Variants in HSD11B2 observed in about 807,000 individuals in gnomAD.
HSD11B2 encodes the protein 11-beta-hydroxysteroid dehydrogenase type 2.
HSD11B2 carries 17 observed loss-of-function variants against 20.9 expected under a neutral mutation model. That is an observed-to-expected ratio of 0.81 (90% CI 0.56 to 1.22). The LOEUF is 1.22. HSD11B2 is among the 50% of genes most tolerant of loss of function. HSD11B2 has a pLI of 0.00. For synonymous variants in HSD11B2, 253 were observed against 255.4 expected (o/e 0.99, Z 0.09); for missense variants, 480 against 563.6 (o/e 0.85, Z 1.50).
Position 67,437,293 on chromosome 16 carries a change from G to A in HSD11B2, c.*290G>A, listed in dbSNP as rs1404193508. 1.8e-6 allele frequency: 1 copy of A among 549,518 alleles called. No homozygotes were observed. The allele number at this position is 549,518 out of a possible 1,614,324, so 34.0% of individuals were successfully genotyped here. A position where few individuals can be genotyped will look rare whatever the true frequency, so the allele number is the denominator to read the frequency against. ...CCGCTGGATGGGGAGTCTCATGCAA[G>A]ACTTCACTGCAGCCTTTCACAGGAC... On this transcript the variant is annotated 3_prime_UTR_variant, in exon 5 of 5. Coordinates refer to ENST00000326152, the MANE Select transcript of HSD11B2 (RefSeq NM_000196.4).
At chr16:67,432,283 C>G in intron 1 of HSD11B2, among the ~76,000 whole-genome samples, 1 of 151,246 alleles carries the variant, frequency 6.6e-6, no homozygotes, top group African/African-American at 2.4e-5. Context: ...TGGAGGCCCG[C>G]CGGAAGTGGG....
At chr16:67,431,663 C>A in intron 1 of HSD11B2, 150 bp downstream of exon 1, 2 of 868,548 alleles carry the variant, frequency 2.3e-6, no homozygotes, top group Non-Finnish European at 3.0e-6. Flanking sequence ...GGGAGCGAGC[C>A]AAATAGGGAG....
chr16:67,431,646 G>C, intron 1 of HSD11B2, 133 bp downstream of exon 1: 1 of 1,010,710 alleles, frequency 9.9e-7, no homozygotes, highest in Non-Finnish European at 1.3e-6. Context: ...CTCCACCCCT[G>C]GGTGCAGGGA....
At chr16:67,434,573 G>A (rs2040955697) in intron 1 of HSD11B2, among the ~76,000 whole-genome samples, 1 of 152,210 alleles carries the variant, frequency 6.6e-6, no homozygotes, top group Admixed American at 6.5e-5. Flanking sequence ...TAAGGAAGGA[G>A]AGGCCTGGGC....
rs2040965869 is a variant in HSD11B2 at position 67,435,827 on chromosome 16, C to T, written c.465C>T (p.His155=). The T allele has an allele frequency of 6.2e-7, 1 of 1,613,942 alleles. No individual in the cohort carries two copies. The highest frequency in any genetic ancestry group is 1.7e-5 in the Admixed American group (1 of 60,006). The part of the protein sequence containing the change: ...ISRVLEFTKA[H]TTSTGLWGLV... Reference sequence around the variant, plus strand: ...GCGTGCTAGAGTTCACCAAGGCCCACACCACCAGCACCGGTCAGTGGCAAG... The same window carrying T: ...GCGTGCTAGAGTTCACCAAGGCCCATACCACCAGCACCGGTCAGTGGCAAG... Residue 155 remains histidine (H), a synonymous_variant, in exon 2 of 5, where the codon CAC becomes CAT. Coordinates refer to ENST00000326152, the MANE Select transcript of HSD11B2 (RefSeq NM_000196.4).
In HSD11B2 at chr16:67,436,168, A is replaced by G. The variant is rs746525791; in HGVS notation, c.664+26A>G. On this transcript the variant is annotated intron_variant, in intron 3 of 4. Coordinates refer to ENST00000326152, the MANE Select transcript of HSD11B2 (RefSeq NM_000196.4). The surrounding 1 kb of genome is among the most constrained non-coding windows in gnomAD (Gnocchi z 5.7). Reference sequence around the variant, plus strand: ...GTGAGTGCCCCCCCCCACTGGAGCAAAAAGGAGCCCCCTGGGGTGGGGGAG... The same window carrying G: ...GTGAGTGCCCCCCCCCACTGGAGCAGAAAGGAGCCCCCTGGGGTGGGGGAG... The G allele has an allele frequency of 1.2e-6, 2 of 1,613,596 alleles. No homozygotes were observed. The highest frequency in any genetic ancestry group is 1.7e-5 in the Admixed American group (1 of 60,006).
Position 67,437,346 on chromosome 16 carries a change from G to C in HSD11B2, c.*343G>C. 2 of 395,886 alleles carry C rather than the reference G, an allele frequency of 5.1e-6. No individual in the cohort carries two copies. Among genetic ancestry groups the C allele is most frequent in the South Asian group, 6.8e-5 (2 of 29,466 alleles). 24.5% of individuals were successfully genotyped at this position (395,886 alleles called of 1,614,324 possible). A position where few individuals can be genotyped will look rare whatever the true frequency, so the allele number is the denominator to read the frequency against. On this transcript the variant is annotated 3_prime_UTR_variant, in exon 5 of 5. Coordinates refer to ENST00000326152, the MANE Select transcript of HSD11B2 (RefSeq NM_000196.4). ...TGCAGATAGTGCCTCTGCAAACTAA[G>C]GAGTGACTAGGTGGGTTGGGGACCC...
In HSD11B2 at chr16:67,431,420, C is replaced by T. The variant is rs2040932475; in HGVS notation, c.172C>T (p.Leu58Phe). 2.3e-6 allele frequency: 3 copies of T among 1,301,436 alleles called. No homozygotes were observed. The highest frequency in any genetic ancestry group is 9.7e-7 in the Non-Finnish European group (1 of 1,027,874). 80.6% of individuals were successfully genotyped at this position (1,301,436 alleles called of 1,614,324 possible). A position where few individuals can be genotyped will look rare whatever the true frequency, so the allele number is the denominator to read the frequency against. ...GCGCCTGCTGCCCCCGCCGGCCGCA[C>T]TCGCCGTGCTGGCCGCCGCCGGCTG... is the stretch of plus-strand genomic sequence containing the variant. ...CQRLLPPPAA[L>F]AVLAAAGWIA... Residue 58 changes from leucine to phenylalanine, a missense_variant, in exon 1 of 5, where the codon CTC (leucine) becomes TTC (phenylalanine). Physicochemically the swap from Leu to Phe is conservative, Grantham distance 22. Coordinates refer to ENST00000326152, the MANE Select transcript of HSD11B2 (RefSeq NM_000196.4).
chr16:67,432,451 C>G (rs750352854), intron 1 of HSD11B2, among the ~76,000 whole-genome samples: 1 of 152,150 alleles, frequency 6.6e-6, no homozygotes, highest in Non-Finnish European at 1.5e-5. Flanking sequence ...TCAGAGACCT[C>G]GGTCTAGTAG....
intron 1 of HSD11B2, among the ~76,000 whole-genome samples, chr16:67,432,473 G>GA (rs2040941090): frequency 1.3e-5 from 2 of 152,232 alleles, no homozygotes; most frequent in African/African-American, 4.8e-5. Context: ...GGCCCTGTGT[G>GA]ATCAGATGGG....
Position 67,436,561 on chromosome 16 carries a change from A to T in HSD11B2, c.803-27A>T. The T allele has an allele frequency of 6.2e-7, 1 of 1,613,554 alleles. No homozygotes were observed. The highest frequency in any genetic ancestry group is 2.2e-5 in the East Asian group (1 of 44,866). On this transcript the variant is annotated intron_variant, in intron 4 of 4. Coordinates refer to ENST00000326152, the MANE Select transcript of HSD11B2 (RefSeq NM_000196.4). The surrounding 1 kb of genome is among the most constrained non-coding windows in gnomAD (Gnocchi z 5.7). ...GGCTTTGGCTCCCCTAGCTGATCCC[A>T]CTCTGACCTTGCCACTCCTTCCCCA...
intron 1 of HSD11B2, 75 bp downstream of exon 1, chr16:67,431,588 C>T (rs1367351654): frequency 2.5e-6 from 3 of 1,211,526 alleles, no homozygotes; most frequent in Non-Finnish European, 3.1e-6. Context: ...GACTGACTCC[C>T]CATGGGCACA....
Position 67,436,820 on chromosome 16 carries a change from G to A in HSD11B2, c.1035G>A (p.Gly345=), listed in dbSNP as rs1567530994. ...GCTATTACCCCGGCCAGGGCCTGGG[G>A]CTCATGTACTTCATCCACTACTACC... ...RRRYYPGQGL[G]LMYFIHYYLP... is the part of the protein sequence containing the mutation. The change falls in exon 5 of 5, where the codon GGG becomes GGA. Residue 345 remains glycine, a synonymous_variant. Coordinates refer to ENST00000326152, the MANE Select transcript of HSD11B2 (RefSeq NM_000196.4). This position sits in a 1 kb window ranked among gnomAD's most constrained non-coding sequence, Gnocchi z 5.7. The A allele has an allele frequency of 3.7e-6, 6 of 1,613,724 alleles. No homozygotes were observed. The highest frequency in any genetic ancestry group is 5.1e-6 in the Non-Finnish European group (6 of 1,180,018).
chr16:67,434,456 G>A (rs1428788345), intron 1 of HSD11B2, among the ~76,000 whole-genome samples: 1 of 152,200 alleles, frequency 6.6e-6, no homozygotes, highest in East Asian at 1.9e-4. Context: ...TAGCACAGAG[G>A]GATATTGTCA....
Position 67,436,302 on chromosome 16 carries a change from G to A in HSD11B2, c.718G>A (p.Ala240Thr). The A allele has an allele frequency of 6.2e-7, 1 of 1,613,858 alleles. No homozygotes were observed. The highest frequency in any genetic ancestry group is 8.5e-7 in the Non-Finnish European group (1 of 1,179,998). Reference sequence around the variant, plus strand: ...CTATGGAACCTCCAAAGCGGCCGTGGCGCTACTCATGGACACATTCAGCTG... The same window carrying A: ...CTATGGAACCTCCAAAGCGGCCGTGACGCTACTCATGGACACATTCAGCTG... ...GAYGTSKAAV[A>T]LLMDTFSCEL... is the part of the protein sequence containing the mutation. The change falls in exon 4 of 5, where the codon GCG (alanine) becomes ACG (threonine). Residue 240 changes from alanine to threonine, a missense_variant. Around this residue, in one of 2 missense-constraint regions of HSD11B2, gnomAD observed 374 missense variants for 480.9 expected, o/e 0.78. Transcript: ENST00000326152. This position sits in a 1 kb window ranked among gnomAD's most constrained non-coding sequence, Gnocchi z 5.7.
chr16:67,432,667 A>G (rs1416948847), intron 1 of HSD11B2: 1 of 152,210 alleles, frequency 6.6e-6, no homozygotes, highest in Admixed American at 6.6e-5. Context: ...AGAAGGGGAT[A>G]TGAGGTGGTT....
Position 67,436,018 on chromosome 16 carries a change from T to C in HSD11B2, c.540T>C (p.Ser180=). ...HNEVVADAEL[S]PVATFRSCME... Reference sequence around the variant, plus strand: ...AAGTAGTTGCTGATGCGGAGCTGTCTCCAGTGGCCACTTTCCGTAGCTGCA... The same window carrying C: ...AAGTAGTTGCTGATGCGGAGCTGTCCCCAGTGGCCACTTTCCGTAGCTGCA... Residue 180 remains serine, a synonymous_variant, in exon 3 of 5, where the codon TCT becomes TCC. Transcript: ENST00000326152. The surrounding 1 kb of genome is among the most constrained non-coding windows in gnomAD (Gnocchi z 5.7). The C allele has an allele frequency of 6.2e-7, 1 of 1,614,192 alleles. No individual in the cohort carries two copies. Among genetic ancestry groups the C allele is most frequent in the South Asian group, 1.1e-5 (1 of 91,088 alleles).
chr16:67,435,753 C>A lies in HSD11B2; in HGVS notation c.391C>A (p.Arg131Ser), dbSNP rs781425510. ...AIELRTCCSP[R>S]LRLLQMDLTK... is the part of the protein sequence containing the mutation. ...CGAGCTGCGTACCTGCTGCTCCCCT[C>A]GCCTAAGGCTGCTGCAGATGGACCT... The change falls in exon 2 of 5, where the codon CGC becomes AGC. Residue 131 changes from arginine (R) to serine (S), a missense_variant. Around this residue, in one of 2 missense-constraint regions of HSD11B2, gnomAD observed 374 missense variants for 480.9 expected, o/e 0.78. Coordinates refer to ENST00000326152, the MANE Select transcript of HSD11B2 (RefSeq NM_000196.4). 2.9e-5 allele frequency: 46 copies of A among 1,613,964 alleles called. No homozygotes were observed. The highest frequency in any genetic ancestry group is 4.5e-5 in the East Asian group (2 of 44,892).
intron 1 of HSD11B2, among the ~76,000 whole-genome samples, chr16:67,434,604 C>G (rs746382234): frequency 1.6e-4 from 25 of 152,080 alleles, no homozygotes; most frequent in Non-Finnish European, 3.7e-4. Flanking sequence ...GAAGAGAAGC[C>G]GGATGTGGTG....
Sources: allele counts gnomAD v4.1 joint callset (sites outside exome capture counted in the v4.1 genomes callset), GRCh38; gene constraint gnomAD v4.1.1; regional missense constraint gnomAD v4.1.1; non-coding constraint Gnocchi (gnomAD v3.1); transcripts MANE v1.5; gene names NCBI Gene and HGNC (gene_info 2026-07-23, HGNC 2026-07-21).